TACR1: variants seen among roughly 807,000 people sequenced by gnomAD.
TACR1 encodes the protein substance-P receptor.
TACR1 carries 25 observed loss-of-function variants against 35.8 expected under a neutral mutation model. That is an observed-to-expected ratio of 0.70 (90% CI 0.51 to 0.98). The LOEUF (loss-of-function observed/expected upper bound fraction) is 0.98, where lower values mean the gene tolerates loss of function less well. TACR1 is among the 50% of genes least tolerant of loss of function. The probability of loss-of-function intolerance (pLI) is 0.00; values close to 1 mark genes in which losing one functional copy is unlikely to be tolerated. For synonymous variants in TACR1, 195 were observed against 206.7 expected, an observed-to-expected ratio of 0.94 and a Z score of 0.48; for missense variants, 478 against 522.9, an observed-to-expected ratio of 0.91 and a Z score of 0.84.
chr2:75,093,555 G>C (rs923976832), intron 2 of TACR1, among the ~76,000 whole-genome samples: 1 of 152,160 alleles, frequency 6.6e-6, no homozygotes, highest in Non-Finnish European at 1.5e-5. Context: ...CTGTGAAGTA[G>C]ACAGGAGTCT....
chr2:75,115,239 C>T (rs954482099), intron 2 of TACR1, among the ~76,000 whole-genome samples: 5 of 151,856 alleles, frequency 3.3e-5, no homozygotes, highest in African/African-American at 1.2e-4. Flanking sequence ...AAAAGATGTT[C>T]GTCCCCACTC....
chr2:75,132,307 T>G (rs2103931475), intron 1 of TACR1, among the ~76,000 whole-genome samples: 1 of 152,312 alleles, frequency 6.6e-6, no homozygotes, highest in South Asian at 2.1e-4. Flanking sequence ...AAATCTAACC[T>G]TCTGTACCTC....
intron 1 of TACR1, among the ~76,000 whole-genome samples, chr2:75,159,129 G>C (rs986330044): frequency 6.6e-6 from 1 of 151,928 alleles, no homozygotes; most frequent in African/African-American, 2.4e-5. Context: ...TTTTGTAGGG[G>C]ACCTGATTTT....
intron 1 of TACR1, among the ~76,000 whole-genome samples, chr2:75,122,490 C>T (rs1156494336): frequency 6.6e-6 from 1 of 152,136 alleles, no homozygotes; most frequent in Non-Finnish European, 1.5e-5. Flanking sequence ...AGTATGTCTA[C>T]TAGGAGGACA....
At chr2:75,183,647 C>T (rs1358193660) in intron 1 of TACR1, among the ~76,000 whole-genome samples, 3 of 152,268 alleles carry the variant, frequency 2.0e-5, no homozygotes, top group Admixed American at 6.5e-5. Context: ...TAGTCCCTCC[C>T]CTGCTCTGTC....
chr2:75,083,746 A>G (rs1673137218), intron 2 of TACR1, among the ~76,000 whole-genome samples: 1 of 152,166 alleles, frequency 6.6e-6, no homozygotes. Flanking sequence ...TTGGTGTATA[A>G]GAATGCTTGT....
At chr2:75,134,403 G>A (rs1674239142) in intron 1 of TACR1, among the ~76,000 whole-genome samples, 2 of 152,194 alleles carry the variant, frequency 1.3e-5, no homozygotes, top group Admixed American at 1.3e-4. Flanking sequence ...GTATATTCAT[G>A]TTCTGAAGGA....
At chr2:75,051,143 T>A in intron 4 of TACR1, 108 bp downstream of exon 4, 1 of 1,410,736 alleles carries the variant, frequency 7.1e-7, no homozygotes, top group Admixed American at 1.7e-5. Flanking sequence ...TCCCCACTTG[T>A]CCCTCTTGTC....
intron 2 of TACR1, among the ~76,000 whole-genome samples, chr2:75,099,287 G>C (rs2103868607): frequency 6.6e-6 from 1 of 152,162 alleles, no homozygotes. Flanking sequence ...TCAGTTATCT[G>C]CATCCTGGCC....
At chr2:75,136,635 A>G (rs1206184953) in intron 1 of TACR1, among the ~76,000 whole-genome samples, 1 of 152,176 alleles carries the variant, frequency 6.6e-6, no homozygotes, top group Non-Finnish European at 1.5e-5. Flanking sequence ...CTGAACCAGC[A>G]TCTCTCAAAG....
intron 1 of TACR1, 36 bp from the exon 2 acceptor site, chr2:75,120,804 G>T: frequency 1.3e-6 from 2 of 1,509,750 alleles, no homozygotes; most frequent in Non-Finnish European, 8.9e-7. Context: ...TTCTGATCTG[G>T]TCACCAAAAT....
At chr2:75,163,781 A>G (rs1167715606) in intron 1 of TACR1, among the ~76,000 whole-genome samples, 1 of 152,214 alleles carries the variant, frequency 6.6e-6, no homozygotes, top group Non-Finnish European at 1.5e-5. Flanking sequence ...GGAGAGAGAG[A>G]GTGATTTGTA....
chr2:75,053,351 C>T (rs915020142), intron 3 of TACR1, among the ~76,000 whole-genome samples: 5 of 151,150 alleles, frequency 3.3e-5, no homozygotes, highest in African/African-American at 7.3e-5. Flanking sequence ...TTTAAGTGTG[C>T]GTGTGTGTGT....
intron 2 of TACR1, among the ~76,000 whole-genome samples, chr2:75,109,638 C>A (rs1351956661): frequency 6.6e-6 from 1 of 152,140 alleles, no homozygotes; most frequent in Non-Finnish European, 1.5e-5. Context: ...GCAGAAAATA[C>A]TTCTTTCAAA....
chr2:75,123,130 C>T (rs757649388), intron 1 of TACR1, among the ~76,000 whole-genome samples: 8 of 55,614 alleles, frequency 1.4e-4, no homozygotes, highest in Non-Finnish European at 2.9e-4. Context: ...GTATTAAAAC[C>T]ATAGGATTGC....
chr2:75,090,011 T>C (rs1673277145), intron 2 of TACR1, among the ~76,000 whole-genome samples: 2 of 152,156 alleles, frequency 1.3e-5, no homozygotes, highest in African/African-American at 4.8e-5. Flanking sequence ...ATTTCATTGT[T>C]TTGCCAATAA....
At chr2:75,056,950 C>T (rs1672580299) in intron 2 of TACR1, among the ~76,000 whole-genome samples, 1 of 152,148 alleles carries the variant, frequency 6.6e-6, no homozygotes, top group African/African-American at 2.4e-5. Context: ...AGGACTCAAA[C>T]AGACATTATT....
At chr2:75,155,512 GCTCTTCTGGTCCAGCTCACCTGTAAAAT>G (rs1360720921) in intron 1 of TACR1, among the ~76,000 whole-genome samples, 6 of 151,888 alleles carry the variant, frequency 4.0e-5, no homozygotes, top group Non-Finnish European at 7.4e-5. Flanking sequence ...AGTATCACCA[GCTCTTCTGGTCCAGCTCACCTGTAAAAT>G]CTCTATTCCA....
chr2:75,048,822 G>C lies in TACR1; in HGVS notation c.*610C>G, dbSNP rs573457793. ...TCAGGACAGTCACCGGGGACATAAT[G>C]TGGAAGCCCGAGGTTCTCAATCTCA... On this transcript the variant is annotated 3_prime_UTR_variant, in exon 5 of 5. Transcript: ENST00000305249. 6.6e-6 allele frequency: 1 copy of C among 152,404 alleles called. No homozygotes were observed. Among genetic ancestry groups the C allele is most frequent in the Non-Finnish European group, 1.5e-5 (1 of 68,250 alleles). The allele number at this position is 152,404 out of a possible 1,614,324, so 9.4% of individuals were successfully genotyped here. A position where few individuals can be genotyped will look rare whatever the true frequency, so the allele number is the denominator to read the frequency against.
Sources: gnomAD v4.1 joint callset for allele counts (sites outside exome capture counted in the v4.1 genomes callset) on GRCh38, gnomAD v4.1.1 for gene constraint, MANE v1.5 for transcripts, NCBI Gene and HGNC (gene_info 2026-07-23, HGNC 2026-07-21) for gene names.